The following BAZ2B variants were observed in gnomAD, a reference collection of about 807,000 sequenced individuals.
The protein encoded by BAZ2B is bromodomain adjacent to zinc finger domain protein 2B.
Under a neutral mutation model 246.0 loss-of-function variants are expected in BAZ2B, and 91 were observed. The observed-to-expected ratio is 0.37, with a 90% CI of 0.31 to 0.44. The LOEUF is 0.44. Among genes scored for constraint, BAZ2B ranks in the 20% least tolerant of loss-of-function variants. BAZ2B has a pLI of 1.00. For missense variants in BAZ2B, 2,332 were observed against 2,533.7 expected, an observed-to-expected ratio of 0.92 and a Z score of 1.71; for synonymous variants, 855 against 860.0, an observed-to-expected ratio of 0.99 and a Z score of 0.10.
Position 159,552,151 on chromosome 2 carries a change from T to C in BAZ2B, c.-3+3672A>G, listed in dbSNP as rs891741713. Among the ~76,000 whole-genome samples, 7 of 152,160 alleles carry C rather than the reference T, an allele frequency of 4.6e-5. No homozygotes were observed. The East Asian group carries it at 1.2e-3, about 25-fold the overall frequency. On this transcript the variant is annotated intron_variant, in intron 2 of 36. Transcript: ENST00000392783. ...ATGCAGAGTACTCTAAACTATTCTA[T>C]AGTTCATTTTGGTTTTTTAAGATGT...
At chr2:159,349,627 A>G (rs1459535622) in intron 28 of BAZ2B, 81 bp downstream of exon 28, 4 of 1,371,004 alleles carry the variant, frequency 2.9e-6, no homozygotes, top group African/African-American at 1.5e-5. Flanking sequence ...TATCTGAGTG[A>G]GCCCCCTTGA....
At chr2:159,496,894 ATTCC>A (rs567888421) in intron 2 of BAZ2B, among the ~76,000 whole-genome samples, 7 of 151,146 alleles carry the variant, frequency 4.6e-5, no homozygotes, top group Non-Finnish European at 1.0e-4. Flanking sequence ...TTAAGGATTT[ATTCC>A]TTTTTTGCCT....
In BAZ2B at chr2:159,405,108, G is replaced by T; in HGVS notation, c.2684C>A (p.Ala895Asp). 6.2e-7 allele frequency: 1 copy of T among 1,613,690 alleles called. No homozygotes were observed. The highest frequency in any genetic ancestry group is 8.5e-7 in the Non-Finnish European group (1 of 1,179,912). ...AAGCTTTATTTGTGCTGCTTGCCTG[G>T]CTATTTCTGAAAAACACAAAATTTC... ...LLRKLQAQEIARQAAQIKLLR... is the reference protein window; with the variant it reads ...LLRKLQAQEIDRQAAQIKLLR... Residue 895 changes from alanine (A) to aspartate (D), a missense_variant, in exon 15 of 37, where the codon GCC becomes GAC. Ala to Asp is a moderately radical substitution (Grantham distance 126, BLOSUM62 -2). Coordinates refer to ENST00000392783, the MANE Select transcript of BAZ2B (RefSeq NM_013450.4).
intron 2 of BAZ2B, among the ~76,000 whole-genome samples, chr2:159,491,029 C>G (rs1455941202): frequency 6.6e-6 from 1 of 152,174 alleles, no homozygotes; most frequent in African/African-American, 2.4e-5. Flanking sequence ...TGCAAAAACC[C>G]AGAAGTTTGC....
At chr2:159,475,949 C>CAG (rs936897296) in intron 3 of BAZ2B, among the ~76,000 whole-genome samples, 7 of 152,086 alleles carry the variant, frequency 4.6e-5, no homozygotes, top group Non-Finnish European at 7.4e-5. Context: ...AGATGCCAGC[C>CAG]AGAGCTCTCC....
intron 22 of BAZ2B, 103 bp from the exon 23 acceptor site, chr2:159,385,472 C>T: frequency 2.0e-6 from 2 of 983,370 alleles, no homozygotes; most frequent in Admixed American, 2.8e-5. Context: ...ATACTACTGA[C>T]AAGAGCTTTA....
intron 2 of BAZ2B, among the ~76,000 whole-genome samples, chr2:159,525,689 G>A (rs761083423): frequency 3.3e-5 from 5 of 152,118 alleles, no homozygotes; most frequent in Non-Finnish European, 7.4e-5. Flanking sequence ...TACTCAACCT[G>A]TACCTGGGCA....
chr2:159,498,193 G>C (rs1272947318), intron 2 of BAZ2B, among the ~76,000 whole-genome samples: 1 of 152,054 alleles, frequency 6.6e-6, no homozygotes, highest in East Asian at 1.9e-4. Flanking sequence ...CTTCCTGCCA[G>C]GTATTTTGTT....
At chr2:159,578,789 T>C (rs1685987530) in intron 1 of BAZ2B, among the ~76,000 whole-genome samples, 2 of 152,248 alleles carry the variant, frequency 1.3e-5, no homozygotes, top group Middle Eastern at 3.4e-3. Context: ...ACCGCTTAAC[T>C]ACATGGAAAC....
Position 159,382,702 on chromosome 2 carries a change from G to A in BAZ2B, c.3862C>T (p.Arg1288Cys), listed in dbSNP as rs758175588. 70 of 1,612,722 alleles carry A rather than the reference G, an allele frequency of 4.3e-5. No individual in the cohort carries two copies. In the East Asian group the frequency reaches 8.5e-4, roughly 20 times the overall value. Reference sequence around the variant, plus strand: ...TCTCCTCCCTTCCTTCTTCGCTTGCGTCCTGGAGTGGGTGTGCCCAAGGGA... The same window carrying A: ...TCTCCTCCCTTCCTTCTTCGCTTGCATCCTGGAGTGGGTGTGCCCAAGGGA... ...QHPLGTPTPG[R>C]KRRRKGGDSD... The change falls in exon 25 of 37, where the codon CGC (arginine) becomes TGC (cysteine). Residue 1288 changes from arginine (R) to cysteine (C), a missense_variant. Physicochemically the swap from Arg to Cys is radical, Grantham distance 180. Coordinates refer to ENST00000392783, the MANE Select transcript of BAZ2B (RefSeq NM_013450.4).
chr2:159,436,741 A>C (rs1472591959), intron 8 of BAZ2B, among the ~76,000 whole-genome samples: 2 of 152,062 alleles, frequency 1.3e-5, no homozygotes, highest in Non-Finnish European at 2.9e-5. Flanking sequence ...ACAGAGCGAG[A>C]CTCTGTCTCA....
intron 3 of BAZ2B, among the ~76,000 whole-genome samples, chr2:159,470,383 CTGGAGGTTACA>C (rs2077631180): frequency 6.6e-6 from 1 of 152,104 alleles, no homozygotes. Context: ...GTCCTACAGC[CTGGAGGTTACA>C]TGAATATATA....
chr2:159,482,763 C>G (rs988217107), intron 2 of BAZ2B, among the ~76,000 whole-genome samples: 1 of 152,060 alleles, frequency 6.6e-6, no homozygotes, highest in East Asian at 1.9e-4. Context: ...TTAATACATT[C>G]ATTTTGTTGA....
intron 13 of BAZ2B, among the ~76,000 whole-genome samples, chr2:159,426,525 A>T (rs1185316615): frequency 6.6e-6 from 1 of 152,142 alleles, no homozygotes; most frequent in Non-Finnish European, 1.5e-5. Flanking sequence ...ATTTAGTCTA[A>T]GTCAAAATCT....
chr2:159,362,163 C>G (rs1183208284), intron 27 of BAZ2B, among the ~76,000 whole-genome samples: 1 of 61,104 alleles, frequency 1.6e-5, no homozygotes, highest in Non-Finnish European at 5.8e-5. Context: ...GTGAACTGGA[C>G]TGGAAAAAAA....
intron 1 of BAZ2B, among the ~76,000 whole-genome samples, chr2:159,610,114 A>G (rs926948229): frequency 6.6e-6 from 1 of 152,210 alleles, no homozygotes; most frequent in African/African-American, 2.4e-5. Flanking sequence ...GTACATTCCT[A>G]TAACAGCTCA....
the BAZ2B span, among the ~76,000 whole-genome samples, chr2:159,697,035 C>T: frequency 6.6e-6 from 1 of 152,212 alleles, no homozygotes. Flanking sequence ...ATTCACTTGC[C>T]TCAGCCTCCC....
intron 2 of BAZ2B, among the ~76,000 whole-genome samples, chr2:159,492,710 G>A (rs1047450726): frequency 2.0e-5 from 3 of 152,150 alleles, no homozygotes; most frequent in Admixed American, 2.0e-4. Flanking sequence ...GGATATTGGA[G>A]CTAGTATTTT....
At chr2:159,692,634 T>G in the BAZ2B span, among the ~76,000 whole-genome samples, 1 of 152,116 alleles carries the variant, frequency 6.6e-6, no homozygotes, top group South Asian at 2.1e-4. Context: ...GAGGATCACT[T>G]GAGGCCAGGA....
Sources: gnomAD v4.1 joint callset for allele counts (sites outside exome capture counted in the v4.1 genomes callset) on GRCh38, gnomAD v4.1.1 for gene constraint, MANE v1.5 for transcripts, NCBI Gene and HGNC (gene_info 2026-07-23, HGNC 2026-07-21) for gene names.